Variants in FECH observed in about 807,000 individuals in gnomAD.
FECH encodes ferrochelatase.
FECH carries 40 observed loss-of-function variants against 56.9 expected under a neutral mutation model. That is an observed-to-expected ratio of 0.70 (90% CI 0.55 to 0.92). The LOEUF (loss-of-function observed/expected upper bound fraction) is 0.92, where lower values mean the gene tolerates loss of function less well. Ranked by LOEUF, FECH falls within the 40% of genes least tolerant of loss-of-function variation. The pLI is 0.00. For missense variants in FECH, 431 were observed against 529.1 expected, an observed-to-expected ratio of 0.81 and a Z score of 1.82; for synonymous variants, 175 against 198.6, an observed-to-expected ratio of 0.88 and a Z score of 1.00.
chr18:57,559,080 C>T, intron 7 of FECH, 65 bp downstream of exon 7: 1 of 1,096,918 alleles, frequency 9.1e-7, no homozygotes, highest in South Asian at 1.2e-5. Flanking sequence ...CCATTTTACA[C>T]ATTTAGAAAA....
In FECH at chr18:57,547,399, G is replaced by A. The variant is rs925551523; in HGVS notation, c.*3313C>T. On this transcript the variant is annotated 3_prime_UTR_variant, in exon 11 of 11. Coordinates refer to ENST00000262093, the MANE Select transcript of FECH (RefSeq NM_000140.5). ...GTGTTGAGGGAGGGACCTGGTGGAAGGAGATTGGAACATGGAGACAGTTCC... is the reference window on the plus strand; with the variant it reads ...GTGTTGAGGGAGGGACCTGGTGGAAAGAGATTGGAACATGGAGACAGTTCC... Among the ~76,000 whole-genome samples the A allele has an allele frequency of 7.2e-5, 11 of 152,150 alleles. No individual in the cohort carries two copies. Among genetic ancestry groups the A allele is most frequent in the Admixed American group, 7.2e-4 (11 of 15,280 alleles).
At chr18:57,576,110 G>A (rs1444599420) in intron 2 of FECH, among the ~76,000 whole-genome samples, 5 of 152,112 alleles carry the variant, frequency 3.3e-5, no homozygotes, top group Middle Eastern at 3.2e-3. Context: ...CAGCATACCT[G>A]GCCTCTACCT....
chr18:57,552,085 T>C (rs2050807971), intron 9 of FECH, among the ~76,000 whole-genome samples: 1 of 152,020 alleles, frequency 6.6e-6, no homozygotes, highest in Admixed American at 6.5e-5. Flanking sequence ...GGTTTCACCA[T>C]GTTGGCCAGG....
At position 57,546,266 on chromosome 18, in the gene FECH, G is replaced by A. The variant is rs879310940; in HGVS notation, c.*4446C>T. On this transcript the variant is annotated 3_prime_UTR_variant, in exon 11 of 11. Transcript: ENST00000262093. ...CCTGTGCCTTCACGTGCCCCCGTGC[G>A]CACACATAGACGTTCGCTTACAGCT... 3.9e-5 allele frequency among the ~76,000 whole-genome samples: 6 copies of A among 152,204 alleles called. No individual in the cohort carries two copies. Among genetic ancestry groups the A allele is most frequent in the African/African-American group, 7.2e-5 (3 of 41,454 alleles).
intron 5 of FECH, among the ~76,000 whole-genome samples, chr18:57,563,769 T>C (rs1385202961): frequency 6.6e-6 from 1 of 152,192 alleles, no homozygotes; most frequent in Non-Finnish European, 1.5e-5. Context: ...TGTTTTGTTT[T>C]ACAAAGTTGT....
chr18:57,573,925 T>C (rs1340948342), intron 2 of FECH, among the ~76,000 whole-genome samples: 1 of 152,248 alleles, frequency 6.6e-6, no homozygotes, highest in East Asian at 1.9e-4. Context: ...CACAGTCTAA[T>C]ACCAGCCCAT....
intron 8 of FECH, 72 bp from the exon 9 acceptor site, chr18:57,554,496 C>T: frequency 1.3e-6 from 2 of 1,521,260 alleles, no homozygotes; most frequent in Non-Finnish European, 1.8e-6. Context: ...TGTTTGCCCC[C>T]CTGGGCACAC....
chr18:57,568,045 T>C (rs1790619), intron 4 of FECH, among the ~76,000 whole-genome samples: 97,890 of 152,112 alleles, frequency 0.64, 31,736 homozygotes, highest in African/African-American at 0.68. Context: ...AAAGATTATG[T>C]GCTTTGTGCT....
In FECH at chr18:57,580,121, G is replaced by C. The variant is rs755621157; in HGVS notation, c.146C>G (p.Thr49Arg). Residue 49 changes from threonine (T) to arginine (R), a missense_variant, in exon 2 of 11, where the codon ACA becomes AGA. By Grantham distance (71) the Thr-to-Arg change is moderately conservative (BLOSUM62 -1). Coordinates refer to ENST00000262093, the MANE Select transcript of FECH (RefSeq NM_000140.5). ...TTTTGCACCCTGGGCATGCTGGGCT[G>C]TTTCTGTGGTGACGGCCGCTGCAGC... The part of the protein sequence containing the change: ...GAAAAAVTTE[T>R]AQHAQGAKPQ... The C allele has an allele frequency of 6.2e-7, 1 of 1,614,160 alleles. No homozygotes were observed. Among genetic ancestry groups the C allele is most frequent in the Non-Finnish European group, 8.5e-7 (1 of 1,180,040 alleles).
intron 9 of FECH, among the ~76,000 whole-genome samples, chr18:57,552,592 G>C (rs1198723878): frequency 6.6e-6 from 1 of 151,796 alleles, no homozygotes; most frequent in African/African-American, 2.4e-5. Flanking sequence ...TAGAGATGGG[G>C]TTTCACCATG....
In FECH at chr18:57,550,855, T is replaced by C. The variant is rs771713777; in HGVS notation, c.1138-9A>G. ...ACCAAGTCGGCCAGGGCCTGGAAGA[T>C]AGACAAGAGGCAAAGACGCATGAGA... is the stretch of plus-strand genomic sequence containing the variant. On this transcript the variant is annotated splice_polypyrimidine_tract_variant and intron_variant, in intron 10 of 10. Transcript: ENST00000262093. 7.4e-6 allele frequency: 12 copies of C among 1,613,310 alleles called. No individual in the cohort carries two copies. The highest frequency in any genetic ancestry group is 1.1e-5 in the South Asian group (1 of 91,040).
intron 10 of FECH, 189 bp downstream of exon 10, chr18:57,551,126 G>T: frequency 1.6e-6 from 1 of 641,890 alleles, no homozygotes. Flanking sequence ...TTATAGGTGG[G>T]TAGAAATCAG....
At chr18:57,573,023 T>C in intron 3 of FECH, 1 of 572,518 alleles carries the variant, frequency 1.7e-6, no homozygotes, top group Non-Finnish European at 3.1e-6. Flanking sequence ...TCCAGGGCTC[T>C]GGGGAGCAAA....
intron 2 of FECH, among the ~76,000 whole-genome samples, chr18:57,575,808 A>G (rs2051177691): frequency 6.6e-6 from 1 of 152,242 alleles, no homozygotes; most frequent in African/African-American, 2.4e-5. Flanking sequence ...TGTCAAATGT[A>G]AACAGGTAGA....
At chr18:57,566,786 T>C (rs1373930471) in intron 4 of FECH, among the ~76,000 whole-genome samples, 1 of 152,102 alleles carries the variant, frequency 6.6e-6, no homozygotes, top group Non-Finnish European at 1.5e-5. Flanking sequence ...CTTTCTAGGA[T>C]CAGTACCCCA....
At chr18:57,557,671 C>T (rs2050886257) in intron 7 of FECH, among the ~76,000 whole-genome samples, 1 of 152,146 alleles carries the variant, frequency 6.6e-6, no homozygotes, top group Non-Finnish European at 1.5e-5. Context: ...GTTGCGTGTG[C>T]CTGTGGTCCC....
At chr18:57,568,026 T>C (rs1027895373) in intron 4 of FECH, 1 of 152,250 alleles carries the variant, frequency 6.6e-6, no homozygotes, top group Non-Finnish European at 1.5e-5. Context: ...TCCAAATGAC[T>C]GATTGTTCAA....
intron 8 of FECH, 118 bp downstream of exon 8, chr18:57,554,727 G>A: frequency 2.4e-6 from 2 of 837,424 alleles, no homozygotes; most frequent in Middle Eastern, 2.8e-4. Context: ...CCCATGGTGA[G>A]CAATCAGGTT....
intron 6 of FECH, among the ~76,000 whole-genome samples, chr18:57,562,312 T>C (rs1386880077): frequency 1.3e-5 from 2 of 152,244 alleles, no homozygotes; most frequent in Non-Finnish European, 2.9e-5. Flanking sequence ...TTTAGAACTG[T>C]AATTTTAACT....
Sources: allele counts gnomAD v4.1 joint callset (sites outside exome capture counted in the v4.1 genomes callset), GRCh38; gene constraint gnomAD v4.1.1; transcripts MANE v1.5; gene names NCBI Gene and HGNC (gene_info 2026-07-23, HGNC 2026-07-21).